The following CHST11 variants were observed in gnomAD, a reference collection of about 807,000 sequenced individuals.
CHST11 encodes carbohydrate sulfotransferase 11.
CHST11 carries 9 observed loss-of-function variants against 30.4 expected under a neutral mutation model. The observed-to-expected ratio is 0.30, with a 90% CI of 0.18 to 0.52. The LOEUF (loss-of-function observed/expected upper bound fraction) is 0.52, where lower values mean the gene tolerates loss of function less well. Ranked by LOEUF, CHST11 falls within the 20% of genes least tolerant of loss-of-function variation. The pLI, the probability that CHST11 is intolerant of heterozygous loss-of-function variation, is 0.97. For synonymous variants in CHST11, 152 were observed against 187.8 expected, an observed-to-expected ratio of 0.81 and a Z score of 1.56; for missense variants, 348 against 460.6, an observed-to-expected ratio of 0.76 and a Z score of 2.24.
chr12:104,560,412 G>C (rs1225192877), intron 1 of CHST11, among the ~76,000 whole-genome samples: 2 of 152,042 alleles, frequency 1.3e-5, no homozygotes, highest in Non-Finnish European at 2.9e-5. Context: ...GTTGAGCCAT[G>C]GGGGGGTTCA....
intron 2 of CHST11, among the ~76,000 whole-genome samples, chr12:104,684,337 C>T (rs2039826054): frequency 6.7e-6 from 1 of 148,478 alleles, no homozygotes; most frequent in South Asian, 2.1e-4. Flanking sequence ...GATAGATGGA[C>T]AGATAGGTGG....
At chr12:104,717,232 G>T (rs750202875) in intron 2 of CHST11, among the ~76,000 whole-genome samples, 14 of 152,224 alleles carry the variant, frequency 9.2e-5, no homozygotes, top group Non-Finnish European at 1.9e-4. Context: ...CATCTTGGAT[G>T]CAGGAAGAGC....
intron 2 of CHST11, among the ~76,000 whole-genome samples, chr12:104,615,185 A>G (rs767038286): frequency 1.3e-5 from 2 of 152,222 alleles, no homozygotes; most frequent in Non-Finnish European, 2.9e-5. Flanking sequence ...AGTGCTGCCT[A>G]AAATGGCCTC....
intron 2 of CHST11, among the ~76,000 whole-genome samples, chr12:104,678,821 C>T (rs2039766716): frequency 6.6e-6 from 1 of 152,104 alleles, no homozygotes; most frequent in Non-Finnish European, 1.5e-5. Flanking sequence ...CTCTCGGTTA[C>T]GTTTGGAATT....
chr12:104,624,626 T>C (rs961610370), intron 2 of CHST11, among the ~76,000 whole-genome samples: 26 of 152,186 alleles, frequency 1.7e-4, no homozygotes, highest in African/African-American at 5.8e-4. Flanking sequence ...AATGAGGTGG[T>C]ATAATGCACT....
Position 104,613,474 on chromosome 12 carries a change from G to A in CHST11, c.204+11483G>A, listed in dbSNP as rs371532860. On this transcript the variant is annotated intron_variant, in intron 2 of 2. Coordinates refer to ENST00000303694, the MANE Select transcript of CHST11 (RefSeq NM_018413.6). ...CAGTGTTGGAGGAGGGACCTGGTGG[G>A]AGGTGATTGGATCATGGGGTGGATT... is the stretch of plus-strand genomic sequence containing the variant. Among the ~76,000 whole-genome samples, 363 of 152,270 alleles carry A rather than the reference G, an allele frequency of 2.4e-3. 1 individual carries two copies. The highest frequency in any genetic ancestry group is 0.014 in the Middle Eastern group (4 of 294).
At chr12:104,518,260 C>T (rs4964816) in intron 1 of CHST11, among the ~76,000 whole-genome samples, 3,621 of 152,152 alleles carry the variant, frequency 0.024, 142 homozygotes, top group East Asian at 0.17. Context: ...GCACTTCAGC[C>T]TGGGTGAGAG....
intron 1 of CHST11, among the ~76,000 whole-genome samples, chr12:104,529,458 A>G (rs752982157): frequency 2.0e-5 from 3 of 152,196 alleles, no homozygotes; most frequent in Admixed American, 6.5e-5. Flanking sequence ...TACTTGTTTT[A>G]TCAATTCAGC....
chr12:104,706,096 A>G (rs1335809966), intron 2 of CHST11, among the ~76,000 whole-genome samples: 2 of 151,532 alleles, frequency 1.3e-5, no homozygotes, highest in African/African-American at 4.9e-5. Context: ...AAAAACAGAT[A>G]GATATTGGTG....
At chr12:104,533,636 C>T (rs763700208) in intron 1 of CHST11, among the ~76,000 whole-genome samples, 41 of 152,176 alleles carry the variant, frequency 2.7e-4, no homozygotes, top group Non-Finnish European at 4.3e-4. Flanking sequence ...AAGGATTCTC[C>T]GCGTGATAAT....
At chr12:104,482,062 G>T (rs2037629311) in intron 1 of CHST11, among the ~76,000 whole-genome samples, 1 of 151,880 alleles carries the variant, frequency 6.6e-6, no homozygotes, top group Non-Finnish European at 1.5e-5. Flanking sequence ...TGTTGGCCAG[G>T]CTGGTTTCAA....
intron 1 of CHST11, among the ~76,000 whole-genome samples, chr12:104,590,530 T>G (rs2038847403): frequency 6.6e-6 from 1 of 152,126 alleles, no homozygotes; most frequent in Admixed American, 6.6e-5. Flanking sequence ...ACAGTCCAAG[T>G]CCTTTTGCTC....
Position 104,469,630 on chromosome 12 carries a change from G to C in CHST11, c.118+12101G>C, listed in dbSNP as rs550500505. On this transcript the variant is annotated intron_variant, in intron 1 of 2. Coordinates refer to ENST00000303694, the MANE Select transcript of CHST11 (RefSeq NM_018413.6). ...TTCTGTGCTGAGGAGGACTTTAAGG[G>C]CTCTTCCTGTATAGGGGTCAGTCCT... Among the ~76,000 whole-genome samples the C allele has an allele frequency of 1.1e-3, 163 of 152,298 alleles. 6 individuals are homozygous for C. The South Asian group carries it at 0.031, about 29-fold the overall frequency.
chr12:104,595,101 C>T (rs1468307776), intron 1 of CHST11, among the ~76,000 whole-genome samples: 1 of 152,144 alleles, frequency 6.6e-6, no homozygotes, highest in East Asian at 1.9e-4. Context: ...CTGATTCCCT[C>T]CTGGGAGAGC....
chr12:104,759,139 C>A lies in CHST11; in HGVS notation c.*1336C>A, dbSNP rs913778919. 6.6e-6 allele frequency: 1 copy of A among 152,046 alleles called. No homozygotes were observed. Among genetic ancestry groups the A allele is most frequent in the African/African-American group, 2.4e-5 (1 of 41,388 alleles). 9.4% of individuals were successfully genotyped at this position (152,046 alleles called of 1,614,324 possible). On this transcript the variant is annotated 3_prime_UTR_variant, in exon 3 of 3. Coordinates refer to ENST00000303694, the MANE Select transcript of CHST11 (RefSeq NM_018413.6). The stretch of plus-strand genomic sequence containing the variant: ...CTTGGGGATTTGCAATGGTTTTTAC[C>A]CCTCATGAAGGTCAGAGGTGGACTA...
intron 2 of CHST11, among the ~76,000 whole-genome samples, chr12:104,678,840 A>AAGGAGTATTAATT (rs1491528910): frequency 2.0e-5 from 3 of 152,170 alleles, no homozygotes; most frequent in African/African-American, 7.2e-5. Context: ...TTAAATACTC[A>AAGGAGTATTAATT]AAACAGTCCT....
chr12:104,691,710 G>A (rs896277916), intron 2 of CHST11, among the ~76,000 whole-genome samples: 2 of 152,128 alleles, frequency 1.3e-5, no homozygotes, highest in Admixed American at 6.5e-5. Flanking sequence ...GGATGGTCTC[G>A]ATCATCTGAC....
rs2037382123 is a variant in CHST11 at position 104,458,944 on chromosome 12, G to A, written c.118+1415G>A. 1.3e-5 allele frequency among the ~76,000 whole-genome samples: 2 copies of A among 152,222 alleles called. No individual in the cohort carries two copies. Among genetic ancestry groups the A allele is most frequent in the South Asian group, 4.1e-4 (2 of 4,834 alleles). ...TTCCATCAAACAGGCAGGGCTGCAGGCTGCAGATTCCTTGACAGCGCAGGG... is the reference window on the plus strand; with the variant it reads ...TTCCATCAAACAGGCAGGGCTGCAGACTGCAGATTCCTTGACAGCGCAGGG... On this transcript the variant is annotated intron_variant, in intron 1 of 2. Transcript: ENST00000303694. The surrounding 1 kb of genome is among the most constrained non-coding windows in gnomAD (Gnocchi z 5.7).
intron 2 of CHST11, among the ~76,000 whole-genome samples, chr12:104,738,898 C>G (rs763089011): frequency 4.9e-4 from 74 of 152,352 alleles, no homozygotes; most frequent in Non-Finnish European, 9.4e-4. Flanking sequence ...AGGCTGTGGC[C>G]TGTTTGCATA....
Sources: gnomAD v4.1 joint callset for allele counts (sites outside exome capture counted in the v4.1 genomes callset) on GRCh38, gnomAD v4.1.1 for gene constraint, Gnocchi (gnomAD v3.1) non-coding constraint, MANE v1.5 for transcripts, NCBI Gene and HGNC (gene_info 2026-07-23, HGNC 2026-07-21) for gene names.